The following ZSWIM6 variants were observed in gnomAD, a reference collection of about 807,000 sequenced individuals.
ZSWIM6 encodes zinc finger SWIM domain-containing protein 6.
A neutral mutation model predicts 113.2 loss-of-function variants in ZSWIM6; 9 were observed. That is an observed-to-expected ratio of 0.08 (90% confidence interval 0.05 to 0.14). The LOEUF (loss-of-function observed/expected upper bound fraction) is 0.14, where lower values mean the gene tolerates loss of function less well. ZSWIM6 is among the 10% of genes least tolerant of loss of function. ZSWIM6 has a pLI of 1.00. For missense variants in ZSWIM6, 1,162 were observed against 1,552.2 expected (o/e 0.75, Z 4.22); for synonymous variants, 611 against 606.5 (o/e 1.01, Z -0.11).
Position 61,544,359 on chromosome 5 carries a change from A to G in ZSWIM6, c.*42A>G. 1.6e-6 allele frequency: 1 copy of G among 641,560 alleles called. No homozygotes were observed. The highest frequency in any genetic ancestry group is 2.6e-6 in the Non-Finnish European group (1 of 381,348). 39.7% of individuals were successfully genotyped at this position (641,560 alleles called of 1,614,324 possible). ...GGGGTGGGGGGTGGGGATGGGAGGGATGGTTTGTTTTTACTTGAGCCTGCC... is the reference window on the plus strand; with the variant it reads ...GGGGTGGGGGGTGGGGATGGGAGGGGTGGTTTGTTTTTACTTGAGCCTGCC... On this transcript the variant is annotated 3_prime_UTR_variant, in exon 14 of 14. Coordinates refer to ENST00000252744, the MANE Select transcript of ZSWIM6 (RefSeq NM_020928.2).
chr5:61,346,479 T>C (rs1195045419), intron 1 of ZSWIM6, among the ~76,000 whole-genome samples: 1 of 152,222 alleles, frequency 6.6e-6, no homozygotes. Flanking sequence ...TCTCTAGATA[T>C]GTGTATATGT....
intron 1 of ZSWIM6, 61 bp downstream of exon 1, chr5:61,333,009 G>GCCCCC: frequency 2.3e-6 from 1 of 439,892 alleles, no homozygotes; most frequent in Non-Finnish European, 3.2e-6. Flanking sequence ...TGGGGGGGGG[G>GCCCCC]TGCCCGCCTT....
chr5:61,332,918 A>G lies in ZSWIM6; in HGVS notation c.646A>G (p.Ser216Gly), dbSNP rs1234718171. 7.4e-7 allele frequency: 1 copy of G among 1,347,852 alleles called. No homozygotes were observed. Among genetic ancestry groups the G allele is most frequent in the African/African-American group, 1.6e-5 (1 of 64,128 alleles). 83.5% of individuals were successfully genotyped at this position (1,347,852 alleles called of 1,614,324 possible). A position where few individuals can be genotyped will look rare whatever the true frequency, so the allele number is the denominator to read the frequency against. The change falls in exon 1 of 14, where the codon AGC (serine) becomes GGC (glycine). Residue 216 changes from serine to glycine, a missense_variant. Coordinates refer to ENST00000252744, the MANE Select transcript of ZSWIM6 (RefSeq NM_020928.2). ...CCGCCGGGGCATCGCGCTGTTGGAA[A>G]GCGGCTGCGTAGACAACGTCCTGCA... is the stretch of plus-strand genomic sequence containing the variant. ...PFRRGIALLESGCVDNVLQVG... is the reference protein window; with the variant it reads ...PFRRGIALLEGGCVDNVLQVG...
chr5:61,476,081 T>A (rs1747702153), intron 2 of ZSWIM6, among the ~76,000 whole-genome samples: 1 of 152,228 alleles, frequency 6.6e-6, no homozygotes, highest in African/African-American at 2.4e-5. Context: ...CTTATCCAAA[T>A]CTTTTTTGGA....
Position 61,366,975 on chromosome 5 carries a change from C to T in ZSWIM6, c.676+34027C>T, listed in dbSNP as rs190264455. On this transcript the variant is annotated intron_variant, in intron 1 of 13. Transcript: ENST00000252744. ...CAGAAGGCAATGCCTTATATACAGGCACATCCCCAGACAGTGTCAGCTTGA... is the reference window on the plus strand; with the variant it reads ...CAGAAGGCAATGCCTTATATACAGGTACATCCCCAGACAGTGTCAGCTTGA... Among the ~76,000 whole-genome samples the T allele has an allele frequency of 2.0e-5, 3 of 148,848 alleles. No individual in the cohort carries two copies. In the East Asian group the frequency reaches 5.9e-4, roughly 29 times the overall value.
At chr5:61,517,750 C>T (rs990369832) in intron 4 of ZSWIM6, among the ~76,000 whole-genome samples, 4 of 150,808 alleles carry the variant, frequency 2.7e-5, no homozygotes, top group African/African-American at 9.8e-5. Context: ...GAATTGAAAT[C>T]CTCAGGAGAT....
intron 1 of ZSWIM6, among the ~76,000 whole-genome samples, chr5:61,348,181 A>G (rs765653945): frequency 6.6e-6 from 1 of 152,186 alleles, no homozygotes; most frequent in Non-Finnish European, 1.5e-5. Flanking sequence ...AGATCATGCC[A>G]CTGCCCTCCA....
chr5:61,505,971 C>T (rs1580049782), intron 4 of ZSWIM6, among the ~76,000 whole-genome samples: 2 of 151,794 alleles, frequency 1.3e-5, no homozygotes, highest in Admixed American at 1.3e-4. Flanking sequence ...TGGTCTCGAT[C>T]TCCTGACCTC....
chr5:61,444,505 TCC>T (rs1746908628), intron 1 of ZSWIM6, among the ~76,000 whole-genome samples: 1 of 152,162 alleles, frequency 6.6e-6, no homozygotes, highest in East Asian at 1.9e-4. Context: ...TAGTTCTAGA[TCC>T]CTGAGAAATC....
intron 2 of ZSWIM6, among the ~76,000 whole-genome samples, chr5:61,473,645 C>T (rs1747634834): frequency 6.6e-6 from 1 of 152,068 alleles, no homozygotes; most frequent in East Asian, 1.9e-4. Flanking sequence ...TATATAGGTG[C>T]AACTTTTCAG....
chr5:61,539,524 T>C, intron 11 of ZSWIM6, 72 bp from the exon 12 acceptor site: 1 of 1,482,136 alleles, frequency 6.7e-7, no homozygotes, highest in Non-Finnish European at 9.0e-7. Flanking sequence ...TATGGTTGTA[T>C]GATTTTTGTT....
At chr5:61,364,484 T>C (rs1745110993) in intron 1 of ZSWIM6, among the ~76,000 whole-genome samples, 2 of 152,378 alleles carry the variant, frequency 1.3e-5, no homozygotes, top group East Asian at 3.9e-4. Context: ...GTGAAAATTA[T>C]ATGAAATTCA....
At chr5:61,496,092 C>A (rs973716496) in intron 4 of ZSWIM6, among the ~76,000 whole-genome samples, 1 of 152,080 alleles carries the variant, frequency 6.6e-6, no homozygotes, top group African/African-American at 2.4e-5. Flanking sequence ...TACCTTAACC[C>A]TCAATCAGAA....
intron 1 of ZSWIM6, among the ~76,000 whole-genome samples, chr5:61,436,219 T>A (rs1259822751): frequency 3.4e-5 from 5 of 148,596 alleles, no homozygotes; most frequent in African/African-American, 7.5e-5. Context: ...AAAAAAAAAA[T>A]GTAGTCACTA....
chr5:61,381,362 A>C (rs1283495445), intron 1 of ZSWIM6, among the ~76,000 whole-genome samples: 2 of 152,242 alleles, frequency 1.3e-5, no homozygotes, highest in African/African-American at 4.8e-5. Flanking sequence ...TGTAGTATGT[A>C]ATATATTTGT....
At chr5:61,415,607 C>T (rs1053311994) in intron 1 of ZSWIM6, among the ~76,000 whole-genome samples, 7 of 143,980 alleles carry the variant, frequency 4.9e-5, no homozygotes, top group African/African-American at 1.8e-4. Flanking sequence ...AAAAAAAAAA[C>T]GCTACTGATT....
chr5:61,390,733 C>G (rs552359590), intron 1 of ZSWIM6: 2 of 795,564 alleles, frequency 2.5e-6, no homozygotes, highest in East Asian at 4.9e-5. Flanking sequence ...GTCTTCTCCT[C>G]CATGGTCTGG....
At chr5:61,413,680 C>A (rs903088154) in intron 1 of ZSWIM6, among the ~76,000 whole-genome samples, 6 of 152,070 alleles carry the variant, frequency 3.9e-5, no homozygotes, top group Non-Finnish European at 8.8e-5. Context: ...CCTCTCCAGC[C>A]CCTGTTGTTT....
At chr5:61,334,257 T>G (rs1163743743) in intron 1 of ZSWIM6, among the ~76,000 whole-genome samples, 2 of 152,186 alleles carry the variant, frequency 1.3e-5, no homozygotes, top group Non-Finnish European at 2.9e-5. Context: ...CCAGATCTTT[T>G]TCAGCCATAG....
Sources: gnomAD v4.1 joint callset for allele counts (sites outside exome capture counted in the v4.1 genomes callset) on GRCh38, gnomAD v4.1.1 for gene constraint, MANE v1.5 for transcripts, NCBI Gene and HGNC (gene_info 2026-07-23, HGNC 2026-07-21) for gene names.